The following WWTR1 variants were observed in gnomAD, a reference collection of about 807,000 sequenced individuals.
The protein encoded by WWTR1 is WW domain-containing transcription regulator protein 1.
WWTR1 carries 13 observed loss-of-function variants against 40.1 expected under a neutral mutation model. The ratio of observed to expected loss-of-function variants is 0.32; its 90% CI spans 0.21 to 0.52. The LOEUF is 0.52. WWTR1 is among the 20% of genes least tolerant of loss of function. The pLI, the probability that WWTR1 is intolerant of heterozygous loss-of-function variation, is 0.97. For synonymous variants in WWTR1, 230 were observed against 210.1 expected (o/e 1.09, Z -0.82); for missense variants, 436 against 523.1 (o/e 0.83, Z 1.63).
chr3:149,585,551 C>T (rs1461282736), intron 2 of WWTR1, among the ~76,000 whole-genome samples: 1 of 122,738 alleles, frequency 8.1e-6, no homozygotes, highest in African/African-American at 3.1e-5. Flanking sequence ...CCACCAGCAC[C>T]CCACAATTTT....
At chr3:149,589,035 C>T (rs558908604) in intron 2 of WWTR1, among the ~76,000 whole-genome samples, 2 of 152,312 alleles carry the variant, frequency 1.3e-5, no homozygotes, top group Admixed American at 6.5e-5. Context: ...CCTCTGGCAG[C>T]TGTTTGAGTG....
At chr3:149,529,058 CA>C (rs1268267318) in intron 4 of WWTR1, among the ~76,000 whole-genome samples, 1 of 152,236 alleles carries the variant, frequency 6.6e-6, no homozygotes, top group Non-Finnish European at 1.5e-5. Context: ...AACCAGACAT[CA>C]AATTCCTTTC....
rs77656618 is a variant in WWTR1, at chr3:149,525,732, T to C, written c.1018+281A>G. ...ATGAAGCATTCCATTTTTTTTTTTT[T>C]CAACATTTTTACAGACACTCGGGAC... On this transcript the variant is annotated intron_variant, in intron 6 of 6. Transcript: ENST00000360632. 7.7e-3 allele frequency: 1,543 copies of C among 200,202 alleles called. 10 individuals are homozygous for C. The highest frequency in any genetic ancestry group is 0.046 in the South Asian group (230 of 5,022). 12.4% of individuals were successfully genotyped at this position (200,202 alleles called of 1,614,324 possible).
intron 2 of WWTR1, among the ~76,000 whole-genome samples, chr3:149,606,083 G>A (rs1227373908): frequency 1.3e-5 from 2 of 152,108 alleles, no homozygotes; most frequent in Non-Finnish European, 2.9e-5. Flanking sequence ...ATGATGACTC[G>A]GGTAGAAGGC....
intron 2 of WWTR1, among the ~76,000 whole-genome samples, chr3:149,647,310 T>A (rs74703561): frequency 6.6e-6 from 1 of 152,184 alleles, no homozygotes; most frequent in South Asian, 2.1e-4. Context: ...CTTTTTTTTT[T>A]AATTTAAAGA....
chr3:149,589,414 C>T (rs188728597), intron 2 of WWTR1, among the ~76,000 whole-genome samples: 2 of 152,148 alleles, frequency 1.3e-5, no homozygotes, highest in Non-Finnish European at 2.9e-5. Context: ...TTAACCCCCA[C>T]GTTAATCATA....
chr3:149,565,928 C>CAAAAAA (rs58536558), intron 3 of WWTR1, among the ~76,000 whole-genome samples: 4 of 73,466 alleles, frequency 5.4e-5, no homozygotes, highest in African/African-American at 2.3e-4. Flanking sequence ...AACTCTGTCT[C>CAAAAAA]AAAAAAAAAA....
intron 2 of WWTR1, among the ~76,000 whole-genome samples, chr3:149,652,583 T>A (rs1006535677): frequency 8.5e-5 from 10 of 118,200 alleles, no homozygotes; most frequent in African/African-American, 2.7e-4. Context: ...TGATTCCCAC[T>A]GCACTCTAGC....
intron 1 of WWTR1, among the ~76,000 whole-genome samples, chr3:149,689,794 G>A (rs942122587): frequency 5.3e-5 from 8 of 152,120 alleles, no homozygotes. Context: ...TGGTAATAGT[G>A]AGTACACAGA....
At chr3:149,545,818 G>A (rs567071161) in intron 3 of WWTR1, among the ~76,000 whole-genome samples, 7 of 152,282 alleles carry the variant, frequency 4.6e-5, no homozygotes, top group African/African-American at 1.7e-4. Flanking sequence ...ACCGCGCCCA[G>A]CCCTATGTTA....
upstream of WWTR1, among the ~76,000 whole-genome samples, chr3:149,659,202 A>T (rs2108170109): frequency 6.6e-6 from 1 of 152,278 alleles, no homozygotes; most frequent in Non-Finnish European, 1.5e-5. Context: ...CATTTGATTC[A>T]AATAGGAGTT....
chr3:149,634,858 C>A (rs2108114625), intron 2 of WWTR1, among the ~76,000 whole-genome samples: 1 of 152,354 alleles, frequency 6.6e-6, no homozygotes, highest in South Asian at 2.1e-4. Flanking sequence ...GCTCACCCTC[C>A]AGACCCGGCC....
At chr3:149,713,045 T>C (rs1443479355) in intron 5 of WWTR1, among the ~76,000 whole-genome samples, 1 of 152,180 alleles carries the variant, frequency 6.6e-6, no homozygotes, top group African/African-American at 2.4e-5. Context: ...TGGCTTCACA[T>C]CTGCTGCGTA....
At chr3:149,719,201 CT>C (rs1715688114) in intron 4 of WWTR1, among the ~76,000 whole-genome samples, 1 of 148,174 alleles carries the variant, frequency 6.7e-6, no homozygotes. Context: ...CCGAGTCTCA[CT>C]CTGTTGCCCA....
At chr3:149,570,727 T>G (rs962251896) in intron 3 of WWTR1, among the ~76,000 whole-genome samples, 1 of 151,798 alleles carries the variant, frequency 6.6e-6, no homozygotes, top group African/African-American at 2.4e-5. Context: ...AATTGGACTT[T>G]GTGTGTGTGT....
At chr3:149,624,286 C>T (rs1740449624) in intron 2 of WWTR1, among the ~76,000 whole-genome samples, 1 of 152,192 alleles carries the variant, frequency 6.6e-6, no homozygotes, top group East Asian at 1.9e-4. Context: ...CTTCCTGAGG[C>T]CATATTCCTG....
upstream of WWTR1, among the ~76,000 whole-genome samples, chr3:149,708,058 C>T (rs1398544920): frequency 6.6e-6 from 1 of 152,136 alleles, no homozygotes; most frequent in East Asian, 1.9e-4. Context: ...GCTTTGTCTT[C>T]CTAGCCTCAG....
At chr3:149,597,861 A>G (rs1739069682) in intron 2 of WWTR1, among the ~76,000 whole-genome samples, 1 of 152,216 alleles carries the variant, frequency 6.6e-6, no homozygotes, top group South Asian at 2.1e-4. Context: ...TCACATTTTA[A>G]ATGCACAAGA....
At chr3:149,521,881 G>C (rs1342872625) in intron 6 of WWTR1, among the ~76,000 whole-genome samples, 1 of 152,158 alleles carries the variant, frequency 6.6e-6, no homozygotes, top group Non-Finnish European at 1.5e-5. Flanking sequence ...TCTAGAAATT[G>C]GGATCATATG....
Sources: allele counts gnomAD v4.1 joint callset (sites outside exome capture counted in the v4.1 genomes callset), GRCh38; gene constraint gnomAD v4.1.1; transcripts MANE v1.5; gene names NCBI Gene and HGNC (gene_info 2026-07-23, HGNC 2026-07-21).